The following CPM variants were observed in gnomAD, a reference collection of about 807,000 sequenced individuals.
The protein encoded by CPM is carboxypeptidase M.
A neutral mutation model predicts 46.4 loss-of-function variants in CPM; 35 were observed. The ratio of observed to expected loss-of-function variants is 0.75; its 90% CI spans 0.58 to 1.00. The LOEUF is 1.00. Ranked by LOEUF, CPM falls within the 50% of genes least tolerant of loss-of-function variation. The probability of loss-of-function intolerance (pLI) is 0.00; values close to 1 mark genes in which losing one functional copy is unlikely to be tolerated. For synonymous variants in CPM, 195 were observed against 195.3 expected (o/e 1.00, Z 0.01); for missense variants, 422 against 530.4 (o/e 0.80, Z 2.01).
intron 5 of CPM, chr12:68,844,489 G>A (rs1435841334): frequency 4.4e-6 from 1 of 228,598 alleles, no homozygotes; most frequent in African/African-American, 2.2e-5. Context: ...GTCTATAAGG[G>A]AGGTAGCTGG....
intron 1 of CPM, among the ~76,000 whole-genome samples, chr12:68,946,641 G>A (rs867083800): frequency 3.3e-5 from 5 of 152,180 alleles, no homozygotes; most frequent in African/African-American, 1.2e-4. Flanking sequence ...ATTCCTCAAA[G>A]CAGTCTGAAA....
chr12:68,869,233 A>G, intron 6 of CPM, 92 bp downstream of exon 6: 1 of 1,196,550 alleles, frequency 8.4e-7, no homozygotes, highest in Non-Finnish European at 1.2e-6. Context: ...TTGTGCCTAA[A>G]GTTCTTTTAA....
intron 1 of CPM, among the ~76,000 whole-genome samples, chr12:68,947,725 A>C (rs1385711866): frequency 6.6e-6 from 1 of 151,944 alleles, no homozygotes; most frequent in Non-Finnish European, 1.5e-5. Context: ...GCTGACTGCA[A>C]CCTTGACTTC....
At chr12:68,871,647 T>G in intron 4 of CPM, 137 bp downstream of exon 4, 1 of 935,318 alleles carries the variant, frequency 1.1e-6, no homozygotes, top group Non-Finnish European at 1.6e-6. Flanking sequence ...GCCTTGAGCT[T>G]TGGCACATCA....
chr12:68,956,266 G>GCA (rs1889016664), intron 1 of CPM, among the ~76,000 whole-genome samples: 1 of 152,212 alleles, frequency 6.6e-6, no homozygotes, highest in Non-Finnish European at 1.5e-5. Flanking sequence ...GACAGTGGGA[G>GCA]CAGTCACCTC....
chr12:68,871,577 C>T lies in CPM; in HGVS notation c.431+207G>A, dbSNP rs190426997. 7.9e-5 allele frequency: 45 copies of T among 571,608 alleles called. No individual in the cohort carries two copies. The African/African-American group carries it at 8.4e-4, about 11-fold the overall frequency. The allele number at this position is 571,608 out of a possible 1,614,324, so 35.4% of individuals were successfully genotyped here. ...AATGAAGATGGAGAGGCTAGGTGGGCACCGGGGCAAAGTAGCCTTATTTGC... is the reference window on the plus strand; with the variant it reads ...AATGAAGATGGAGAGGCTAGGTGGGTACCGGGGCAAAGTAGCCTTATTTGC... On this transcript the variant is annotated intron_variant, in intron 4 of 8. Coordinates refer to ENST00000551568, the MANE Select transcript of CPM (RefSeq NM_198320.5).
rs117505431 is a variant in CPM, at chr12:68,891,154, C to T, written c.161-5265G>A. Reference sequence around the variant, plus strand: ...GAGTTCCTTTTATCTTCCCTAACAACGATCCAAAGATCTGACATCAATTTC... The same window carrying T: ...GAGTTCCTTTTATCTTCCCTAACAATGATCCAAAGATCTGACATCAATTTC... On this transcript the variant is annotated intron_variant, in intron 2 of 8. Transcript: ENST00000551568. 7.7e-3 allele frequency among the ~76,000 whole-genome samples: 1,170 copies of T among 152,356 alleles called. 12 individuals are homozygous for T. Among genetic ancestry groups the T allele is most frequent in the South Asian group, 0.035 (170 of 4,830 alleles).
At chr12:68,907,295 A>G (rs1031987870) in intron 2 of CPM, among the ~76,000 whole-genome samples, 1 of 152,222 alleles carries the variant, frequency 6.6e-6, no homozygotes, top group African/African-American at 2.4e-5. Context: ...TGGAGGGCAC[A>G]TTATTAGGGT....
At chr12:68,903,842 G>A (rs566165832) in intron 2 of CPM, among the ~76,000 whole-genome samples, 41 of 151,326 alleles carry the variant, frequency 2.7e-4, no homozygotes, top group Admixed American at 6.6e-4. Flanking sequence ...CCGTCCCTCC[G>A]TCCCTCCCTC....
rs1884938439 is a variant in CPM at position 68,855,746 on chromosome 12, T to G, written c.*691A>C. 1 of 151,566 alleles carries G rather than the reference T, an allele frequency of 6.6e-6. No homozygotes were observed. The highest frequency in any genetic ancestry group is 6.6e-5 in the Admixed American group (1 of 15,226). 9.4% of individuals were successfully genotyped at this position (151,566 alleles called of 1,614,324 possible). ...TTTTTTTTGTTTGTTTGTTTTTGTT[T>G]TTTTTTTTTTGAGACAGAGTCTTAC... On this transcript the variant is annotated 3_prime_UTR_variant, in exon 9 of 9. Transcript: ENST00000551568.
chr12:68,904,812 G>T (rs559232212), intron 2 of CPM, among the ~76,000 whole-genome samples: 2 of 152,338 alleles, frequency 1.3e-5, no homozygotes, highest in African/African-American at 4.8e-5. Flanking sequence ...TCCTCATAGT[G>T]ATTCAGTCAT....
chr12:68,850,343 GA>G (rs1267403878), downstream of CPM: 2 of 151,668 alleles, frequency 1.3e-5, no homozygotes, highest in Non-Finnish European at 2.9e-5. Flanking sequence ...ATATACCAGG[GA>G]ACTTCTGCTT....
intron 5 of CPM, chr12:68,843,963 A>G (rs1172606947): frequency 4.8e-6 from 1 of 209,768 alleles, no homozygotes; most frequent in Non-Finnish European, 9.7e-6. Context: ...AGTTCATAAT[A>G]CTGAAGCTAG....
chr12:68,914,107 C>T (rs1282037943), intron 2 of CPM: 2 of 550,242 alleles, frequency 3.6e-6, no homozygotes, highest in African/African-American at 3.8e-5. Flanking sequence ...AAATTATAGT[C>T]AGTATACTAT....
chr12:68,931,473 G>A (rs1235484232), intron 2 of CPM, among the ~76,000 whole-genome samples: 5 of 151,862 alleles, frequency 3.3e-5, no homozygotes, highest in Non-Finnish European at 7.4e-5. Flanking sequence ...GGCCGGGCAC[G>A]GTGGCTCATA....
intron 2 of CPM, among the ~76,000 whole-genome samples, chr12:68,901,228 A>T (rs763570305): frequency 6.6e-6 from 1 of 151,970 alleles, no homozygotes; most frequent in African/African-American, 2.4e-5. Flanking sequence ...ATAAAGTCTT[A>T]AAAAAAAGCT....
intron 2 of CPM, 33 bp downstream of exon 2, chr12:68,932,645 G>C (rs749251558): frequency 1.9e-5 from 30 of 1,610,858 alleles, no homozygotes; most frequent in Non-Finnish European, 2.5e-5. Flanking sequence ...GAGGACTGAG[G>C]GTTTGGCAAA....
chr12:68,915,733 G>A (rs1278187290), intron 2 of CPM, among the ~76,000 whole-genome samples: 1 of 152,152 alleles, frequency 6.6e-6, no homozygotes, highest in Non-Finnish European at 1.5e-5. Flanking sequence ...AAAAGTTCTG[G>A]TAGACAGTAG....
At chr12:68,928,742 C>CTTT (rs398020021) in intron 2 of CPM, among the ~76,000 whole-genome samples, 2 of 142,236 alleles carry the variant, frequency 1.4e-5, no homozygotes, top group Admixed American at 1.4e-4. Context: ...AGACAAGATA[C>CTTT]TTTTTTTTTT....
Sources: gnomAD v4.1 joint callset for allele counts (sites outside exome capture counted in the v4.1 genomes callset) on GRCh38, gnomAD v4.1.1 for gene constraint, MANE v1.5 for transcripts, NCBI Gene and HGNC (gene_info 2026-07-23, HGNC 2026-07-21) for gene names.